The following CCNJL variants were observed in gnomAD, a reference collection of about 807,000 sequenced individuals.
The protein encoded by CCNJL is cyclin-J-like protein.
A neutral mutation model predicts 33.4 loss-of-function variants in CCNJL; 33 were observed. That is an observed-to-expected ratio of 0.99 (90% CI 0.75 to 1.32). The LOEUF (loss-of-function observed/expected upper bound fraction) is 1.32. Ranked by LOEUF, CCNJL falls within the 40% of genes most tolerant of loss-of-function variation. The pLI is 0.00. For missense variants in CCNJL, 512 were observed against 499.7 expected (o/e 1.02, Z -0.23); for synonymous variants, 227 against 220.9 (o/e 1.03, Z -0.24).
intron 2 of CCNJL, among the ~76,000 whole-genome samples, chr5:160,298,393 A>C (rs1762817217): frequency 6.6e-6 from 1 of 152,010 alleles, no homozygotes; most frequent in African/African-American, 2.4e-5. Context: ...AGTGAAGTCC[A>C]GGAAGGCAAT....
chr5:160,304,254 A>G (rs1019137262), intron 2 of CCNJL, among the ~76,000 whole-genome samples: 4 of 152,246 alleles, frequency 2.6e-5, no homozygotes, highest in African/African-American at 9.6e-5. Context: ...TTTTGTCACC[A>G]GATTCCTCGA....
At chr5:160,257,996 A>G (rs1399900464) in intron 4 of CCNJL, among the ~76,000 whole-genome samples, 1 of 151,794 alleles carries the variant, frequency 6.6e-6, no homozygotes, top group Non-Finnish European at 1.5e-5. Context: ...ATAGGCGCCC[A>G]CCACCACACC....
chr5:160,298,357 TAA>T (rs879924908), intron 2 of CCNJL, among the ~76,000 whole-genome samples: 1 of 143,786 alleles, frequency 7.0e-6, no homozygotes, highest in Non-Finnish European at 1.5e-5. Context: ...AGACTCTATT[TAA>T]AAAAAAAAAA....
intron 3 of CCNJL, among the ~76,000 whole-genome samples, chr5:160,264,174 C>A (rs1315088950): frequency 2.0e-5 from 3 of 152,130 alleles, no homozygotes. Context: ...ATCTGCCCGC[C>A]CCGGCCTCCC....
intron 4 of CCNJL, among the ~76,000 whole-genome samples, chr5:160,256,144 C>T (rs1761054631): frequency 6.6e-6 from 1 of 152,170 alleles, no homozygotes; most frequent in South Asian, 2.1e-4. Flanking sequence ...CTGCCTCAGC[C>T]TCCCAAAGTG....
intron 2 of CCNJL, among the ~76,000 whole-genome samples, chr5:160,307,638 T>C (rs1038562781): frequency 6.6e-6 from 1 of 152,064 alleles, no homozygotes. Flanking sequence ...CTGGTGACAA[T>C]CTACTCCTCC....
chr5:160,312,348 C>T lies in CCNJL; in HGVS notation c.-50+16G>A. On this transcript the variant is annotated intron_variant, in intron 1 of 5. Coordinates refer to ENST00000257536, the MANE Select transcript of CCNJL (RefSeq NM_001308173.3). Reference sequence around the variant, plus strand: ...CCTGCTCCCACATCCTGCCCTCGAGCCGGGGCGAAACTCACGCATCCTCTC... The same window carrying T: ...CCTGCTCCCACATCCTGCCCTCGAGTCGGGGCGAAACTCACGCATCCTCTC... 5.2e-6 allele frequency: 1 copy of T among 190,662 alleles called. No individual in the cohort carries two copies. The highest frequency in any genetic ancestry group is 1.1e-5 in the Non-Finnish European group (1 of 92,376). 11.8% of individuals were successfully genotyped at this position (190,662 alleles called of 1,614,324 possible).
In CCNJL at chr5:160,249,127, TATTTCATGAGG is replaced by T. The variant is rs1760741944; in HGVS notation, c.*4240_*4250del. 6.6e-6 allele frequency: 1 copy of T among 152,200 alleles called. No homozygotes were observed. The highest frequency in any genetic ancestry group is 1.5e-5 in the Non-Finnish European group (1 of 68,032). The allele number at this position is 152,200 out of a possible 1,614,324, so 9.4% of individuals were successfully genotyped here. On this transcript the variant is annotated 3_prime_UTR_variant, in exon 6 of 6. Coordinates refer to ENST00000257536, the MANE Select transcript of CCNJL (RefSeq NM_001308173.3). ...ATACTTCTTGATTTTTTGCCTAGTG[TATTTCATGAGG>T]AGGTCAGCTCATTTGCTCCCATTTG... is the stretch of plus-strand genomic sequence containing the variant.
chr5:160,333,572 C>T (rs896585105), intron 1 of CCNJL, among the ~76,000 whole-genome samples: 1 of 148,838 alleles, frequency 6.7e-6, no homozygotes, highest in African/African-American at 2.5e-5. Context: ...GCCTGGGTAA[C>T]AGAGTGAGAC....
chr5:160,337,847 T>C (rs1306235539), intron 1 of CCNJL, among the ~76,000 whole-genome samples: 5 of 152,176 alleles, frequency 3.3e-5, no homozygotes, highest in African/African-American at 1.2e-4. Flanking sequence ...TAACTGGGCC[T>C]AAATTTAAAA....
chr5:160,302,099 G>A (rs1233992605), intron 2 of CCNJL, among the ~76,000 whole-genome samples: 1 of 151,992 alleles, frequency 6.6e-6, no homozygotes, highest in Non-Finnish European at 1.5e-5. Flanking sequence ...CACTATAAAC[G>A]GTATATTCAC....
At chr5:160,280,926 C>G in intron 2 of CCNJL, 188 bp from the exon 3 acceptor site, 2 of 694,540 alleles carry the variant, frequency 2.9e-6, no homozygotes, top group Non-Finnish European at 5.3e-6. Flanking sequence ...TCACTAAGCA[C>G]AGGCTCATAA....
chr5:160,298,020 C>T (rs184306689), intron 2 of CCNJL, among the ~76,000 whole-genome samples: 35 of 152,284 alleles, frequency 2.3e-4, no homozygotes, highest in Non-Finnish European at 4.0e-4. Flanking sequence ...GGCTGCATTG[C>T]AAGTCCTCTG....
chr5:160,295,955 C>G (rs1762739461), intron 2 of CCNJL, among the ~76,000 whole-genome samples: 1 of 152,198 alleles, frequency 6.6e-6, no homozygotes, highest in African/African-American at 2.4e-5. Context: ...GGGCACCTAT[C>G]TATGCTTTAC....
At chr5:160,307,185 G>GC (rs374348789) in intron 2 of CCNJL, among the ~76,000 whole-genome samples, 3 of 152,224 alleles carry the variant, frequency 2.0e-5, no homozygotes, top group African/African-American at 7.2e-5. Flanking sequence ...GCCTGTGCCT[G>GC]CATCAGGTGA....
intron 1 of CCNJL, among the ~76,000 whole-genome samples, chr5:160,329,486 C>G (rs1448861828): frequency 2.0e-5 from 3 of 151,698 alleles, no homozygotes; most frequent in Non-Finnish European, 4.4e-5. Flanking sequence ...GAGTAGCTGG[C>G]ACTACAGGCG....
At chr5:160,299,152 A>G (rs1474908637) in intron 2 of CCNJL, among the ~76,000 whole-genome samples, 1 of 147,464 alleles carries the variant, frequency 6.8e-6, no homozygotes, top group Non-Finnish European at 1.5e-5. Context: ...CTAATTTAAA[A>G]AAAAATTTTT....
chr5:160,282,987 A>G (rs1195702385), intron 2 of CCNJL, among the ~76,000 whole-genome samples: 1 of 58,152 alleles, frequency 1.7e-5, no homozygotes, highest in African/African-American at 7.7e-5. Flanking sequence ...ATATATATAT[A>G]TATATATATA....
intron 2 of CCNJL, among the ~76,000 whole-genome samples, chr5:160,285,728 G>C (rs1300693454): frequency 1.3e-5 from 2 of 152,266 alleles, no homozygotes; most frequent in Non-Finnish European, 2.9e-5. Context: ...CCTAGACACA[G>C]GCTGGAAACG....
Sources: allele counts gnomAD v4.1 joint callset (sites outside exome capture counted in the v4.1 genomes callset), GRCh38; gene constraint gnomAD v4.1.1; transcripts MANE v1.5; gene names NCBI Gene and HGNC (gene_info 2026-07-23, HGNC 2026-07-21).